The following PDE7A variants were observed in gnomAD, a reference collection of about 807,000 sequenced individuals.
PDE7A encodes high affinity 3',5'-cyclic-AMP phosphodiesterase 7A.
A neutral mutation model predicts 64.3 loss-of-function variants in PDE7A; 39 were observed. That is an observed-to-expected ratio of 0.61 (90% CI 0.47 to 0.79). The LOEUF (loss-of-function observed/expected upper bound fraction) is 0.79, where lower values mean the gene tolerates loss of function less well. Ranked by LOEUF, PDE7A falls within the 30% of genes least tolerant of loss-of-function variation. PDE7A has a pLI of 0.00. For missense variants in PDE7A, 470 were observed against 582.8 expected (o/e 0.81, Z 1.99); for synonymous variants, 203 against 206.8 (o/e 0.98, Z 0.16).
intron 5 of PDE7A, among the ~76,000 whole-genome samples, chr8:65,740,655 C>T (rs1175976063): frequency 1.3e-5 from 2 of 152,186 alleles, no homozygotes; most frequent in African/African-American, 4.8e-5. Context: ...CCGCCTCGGC[C>T]TCCCAAAGTG....
chr8:65,803,601 C>A lies in PDE7A; in HGVS notation c.139-20758G>T, dbSNP rs559094513. 1.1e-4 allele frequency among the ~76,000 whole-genome samples: 16 copies of A among 152,202 alleles called. No homozygotes were observed. In the South Asian group the frequency reaches 3.3e-3, roughly 32 times the overall value. On this transcript the variant is annotated intron_variant, in intron 1 of 12. Coordinates refer to ENST00000401827, the MANE Select transcript of PDE7A (RefSeq NM_001242318.3). ...GTTTAATCTTTTGAAGAATGACAAA[C>A]CCCTTTTAATGGCAAAATAGTTTGC...
At chr8:65,804,511 T>C (rs905888234) in intron 1 of PDE7A, among the ~76,000 whole-genome samples, 1 of 151,608 alleles carries the variant, frequency 6.6e-6, no homozygotes, top group African/African-American at 2.4e-5. Flanking sequence ...AATAAGTAAT[T>C]TGAGAAAGCT....
intron 1 of PDE7A, among the ~76,000 whole-genome samples, chr8:65,793,875 T>A (rs1004388590): frequency 3.3e-5 from 5 of 152,200 alleles, no homozygotes; most frequent in African/African-American, 4.8e-5. Context: ...TTGACTCTTA[T>A]TTCCTAAGAA....
chr8:65,823,816 C>T (rs989214104), intron 1 of PDE7A, among the ~76,000 whole-genome samples: 5 of 152,032 alleles, frequency 3.3e-5, no homozygotes, highest in African/African-American at 4.8e-5. Context: ...TAATAATAAA[C>T]GTACTGCTAT....
chr8:65,817,834 G>A (rs913502476), intron 1 of PDE7A, among the ~76,000 whole-genome samples: 32 of 149,156 alleles, frequency 2.1e-4, no homozygotes, highest in African/African-American at 7.9e-4. Context: ...CTCACTGCAA[G>A]CTCCGCCTCC....
chr8:65,770,145 G>A (rs1229216799), intron 3 of PDE7A, among the ~76,000 whole-genome samples: 24 of 149,150 alleles, frequency 1.6e-4, no homozygotes, highest in Admixed American at 1.5e-3. Context: ...GTGTGTGTGT[G>A]TGTGTGTGTG....
intron 1 of PDE7A, among the ~76,000 whole-genome samples, chr8:65,803,237 T>C (rs1275969912): frequency 3.9e-5 from 6 of 152,256 alleles, no homozygotes; most frequent in Admixed American, 6.5e-5. Flanking sequence ...AAATGATTTC[T>C]GCCTCTCTAC....
In PDE7A at chr8:65,739,487, G is replaced by A. The variant is rs370077477; in HGVS notation, c.595+15C>T. 4 of 1,543,786 alleles carry A rather than the reference G, an allele frequency of 2.6e-6. No homozygotes were observed. The highest frequency in any genetic ancestry group is 2.4e-5 in the East Asian group (1 of 41,448). ...ATGTAAATCTTGTTACTGTTAATGG[G>A]TTAGAATCACTTACCTAAAAATCTA... is the stretch of plus-strand genomic sequence containing the variant. On this transcript the variant is annotated intron_variant, in intron 6 of 12. Coordinates refer to ENST00000401827, the MANE Select transcript of PDE7A (RefSeq NM_001242318.3).
chr8:65,802,966 G>T (rs548430974), intron 1 of PDE7A, among the ~76,000 whole-genome samples: 1 of 152,218 alleles, frequency 6.6e-6, no homozygotes, highest in East Asian at 1.9e-4. Context: ...ACTCTCACTT[G>T]CTCCTGCTTT....
intron 3 of PDE7A, among the ~76,000 whole-genome samples, chr8:65,755,263 C>T (rs1808170897): frequency 6.6e-6 from 1 of 152,032 alleles, no homozygotes; most frequent in South Asian, 2.1e-4. Context: ...TCAGGGGATC[C>T]ACCCGCCTCA....
intron 3 of PDE7A, among the ~76,000 whole-genome samples, chr8:65,761,874 A>T (rs1027296189): frequency 1.6e-4 from 24 of 152,178 alleles, no homozygotes; most frequent in African/African-American, 5.5e-4. Context: ...GAACCAACAC[A>T]ACTGGAGCAG....
At chr8:65,811,068 T>C (rs1391565179) in intron 1 of PDE7A, among the ~76,000 whole-genome samples, 1 of 151,302 alleles carries the variant, frequency 6.6e-6, no homozygotes, top group Non-Finnish European at 1.5e-5. Context: ...TTTAAATCTC[T>C]ATTGAAGGAT....
intron 3 of PDE7A, among the ~76,000 whole-genome samples, chr8:65,772,788 G>A (rs528088266): frequency 6.6e-6 from 1 of 152,156 alleles, no homozygotes; most frequent in East Asian, 1.9e-4. Flanking sequence ...CAGATCACTT[G>A]AGGTCAGGAG....
At position 65,723,635 on chromosome 8, in the gene PDE7A, AAAG is replaced by A. The variant is rs768715760; in HGVS notation, c.1163-17_1163-15del. ...TTTCTATATCTCCTATAAATTAAAA[AAAG>A]AGAAGTATTAATATGAAGAATATCT... On this transcript the variant is annotated splice_polypyrimidine_tract_variant and intron_variant, in intron 11 of 12. Coordinates refer to ENST00000401827, the MANE Select transcript of PDE7A (RefSeq NM_001242318.3). 6.6e-7 allele frequency: 1 copy of A among 1,504,772 alleles called. No homozygotes were observed. Among genetic ancestry groups the A allele is most frequent in the Non-Finnish European group, 8.9e-7 (1 of 1,117,486 alleles). The allele number at this position is 1,504,772 out of a possible 1,614,324, so 93.2% of individuals were successfully genotyped here. A position where few individuals can be genotyped will look rare whatever the true frequency, so the allele number is the denominator to read the frequency against.
At chr8:65,724,751 T>C (rs1415673135) in intron 10 of PDE7A, 26 bp downstream of exon 10, 4 of 1,574,012 alleles carry the variant, frequency 2.5e-6, no homozygotes, top group East Asian at 2.3e-5. Context: ...ATCCTAGAAA[T>C]AGAATGTTTC....
intron 1 of PDE7A, among the ~76,000 whole-genome samples, chr8:65,798,197 TA>T (rs1399582372): frequency 1.8e-3 from 59 of 32,882 alleles, no homozygotes; most frequent in Admixed American, 4.5e-3. Flanking sequence ...TATATATATA[TA>T]TATATATATT....
chr8:65,743,554 A>G (rs1807535540), intron 5 of PDE7A, among the ~76,000 whole-genome samples: 1 of 152,242 alleles, frequency 6.6e-6, no homozygotes, highest in South Asian at 2.1e-4. Flanking sequence ...ACACTGCATA[A>G]GCAAACAGAA....
chr8:65,777,605 C>T (rs1410640519), intron 3 of PDE7A, among the ~76,000 whole-genome samples: 1 of 152,152 alleles, frequency 6.6e-6, no homozygotes, highest in Non-Finnish European at 1.5e-5. Flanking sequence ...ATCAAGATTA[C>T]ATGCTAGCCT....
chr8:65,815,424 G>C (rs1810376298), intron 1 of PDE7A, among the ~76,000 whole-genome samples: 1 of 152,054 alleles, frequency 6.6e-6, no homozygotes, highest in Non-Finnish European at 1.5e-5. Flanking sequence ...TCTGGTCTCT[G>C]ATTACCAAGT....
Sources: allele counts gnomAD v4.1 joint callset (sites outside exome capture counted in the v4.1 genomes callset), GRCh38; gene constraint gnomAD v4.1.1; transcripts MANE v1.5; gene names NCBI Gene and HGNC (gene_info 2026-07-23, HGNC 2026-07-21).